EML4: variants seen among roughly 807,000 people sequenced by gnomAD.
EML4 encodes EMAP like 4.
A neutral mutation model predicts 129.0 loss-of-function variants in EML4; 72 were observed. The ratio of observed to expected loss-of-function variants is 0.56; its 90% confidence interval spans 0.46 to 0.68. EML4 has a LOEUF of 0.68. Among genes scored for constraint, EML4 ranks in the 30% least tolerant of loss-of-function variants. The pLI is 0.00. For synonymous variants in EML4, 532 were observed against 405.0 expected, an observed-to-expected ratio of 1.31 and a Z score of -3.77; for missense variants, 1,363 against 1,190.6, an observed-to-expected ratio of 1.14 and a Z score of -2.13.
At chr2:42,183,209 A>G (rs1671049382) in intron 1 of EML4, among the ~76,000 whole-genome samples, 1 of 152,226 alleles carries the variant, frequency 6.6e-6, no homozygotes, top group South Asian at 2.1e-4. Context: ...TATTAAGTAA[A>G]TGCTACATGC....
At chr2:42,269,347 G>A (rs1572661465) in intron 6 of EML4, among the ~76,000 whole-genome samples, 2 of 152,258 alleles carry the variant, frequency 1.3e-5, no homozygotes, top group South Asian at 2.1e-4. Context: ...CAGTTCTGAT[G>A]TGTTTCTTTA....
chr2:42,230,092 C>A (rs749605879), intron 1 of EML4, among the ~76,000 whole-genome samples: 8 of 152,134 alleles, frequency 5.3e-5, no homozygotes, highest in Non-Finnish European at 1.2e-4. Context: ...TCTAAAGCAA[C>A]CCCTAGTCCT....
At chr2:42,225,396 C>T (rs969076637) in intron 1 of EML4, among the ~76,000 whole-genome samples, 7 of 152,138 alleles carry the variant, frequency 4.6e-5, no homozygotes, top group African/African-American at 1.2e-4. Flanking sequence ...AATTTCTCCA[C>T]GTATGTTCAT....
chr2:42,232,406 G>T (rs1674404358), intron 1 of EML4, among the ~76,000 whole-genome samples: 1 of 152,188 alleles, frequency 6.6e-6, no homozygotes, highest in Non-Finnish European at 1.5e-5. Context: ...TTATTGTAAA[G>T]AAGAGTATAG....
intron 1 of EML4, among the ~76,000 whole-genome samples, chr2:42,213,064 T>C (rs184963441): frequency 7.2e-5 from 11 of 152,334 alleles, no homozygotes; most frequent in East Asian, 3.9e-4. Flanking sequence ...TAATGAAATA[T>C]TGGAATAACT....
intron 13 of EML4, among the ~76,000 whole-genome samples, chr2:42,296,443 C>T (rs577161086): frequency 1.1e-4 from 16 of 151,686 alleles, no homozygotes; most frequent in Middle Eastern, 3.4e-3. Flanking sequence ...TGTTCATTCA[C>T]CTCCCCTAAA....
chr2:42,271,228 C>G (rs1209839764), intron 6 of EML4, among the ~76,000 whole-genome samples: 1 of 152,154 alleles, frequency 6.6e-6, no homozygotes, highest in Non-Finnish European at 1.5e-5. Context: ...CTTTTAATAA[C>G]CTGTATAACC....
chr2:42,265,177 A>G (rs1288430361), intron 6 of EML4, among the ~76,000 whole-genome samples: 3 of 151,612 alleles, frequency 2.0e-5, no homozygotes, highest in African/African-American at 7.3e-5. Flanking sequence ...TGCAATCTCC[A>G]CCTCCTGGGG....
Position 42,262,087 on chromosome 2 carries a change from A to G in EML4, c.512+793A>G, listed in dbSNP as rs1572648373. Among the ~76,000 whole-genome samples, 8 of 152,128 alleles carry G rather than the reference A, an allele frequency of 5.3e-5. No individual in the cohort carries two copies. The South Asian group carries it at 1.7e-3, about 32-fold the overall frequency. ...ATTTTATCATCGTACTTCTGCTTGG[A>G]AATCTTAGGAAACTATTAAACCATT... On this transcript the variant is annotated intron_variant, in intron 4 of 22. Coordinates refer to ENST00000318522, the MANE Select transcript of EML4 (RefSeq NM_019063.5).
intron 1 of EML4, among the ~76,000 whole-genome samples, chr2:42,181,884 G>T (rs138188350): frequency 6.6e-6 from 1 of 152,140 alleles, no homozygotes; most frequent in Non-Finnish European, 1.5e-5. Context: ...GTTGTGTTCA[G>T]TGCTGCTGGA....
intron 1 of EML4, among the ~76,000 whole-genome samples, chr2:42,202,753 C>G (rs1363191978): frequency 1.3e-5 from 2 of 152,156 alleles, no homozygotes; most frequent in Non-Finnish European, 2.9e-5. Flanking sequence ...CTGCCTTTCC[C>G]AATCCATTGA....
chr2:42,169,539 T>G lies in EML4; in HGVS notation c.-73T>G. 6.5e-7 allele frequency: 1 copy of G among 1,542,318 alleles called. No individual in the cohort carries two copies. The highest frequency in any genetic ancestry group is 8.7e-7 in the Non-Finnish European group (1 of 1,145,154). ...GAGAACGAGCGGGTCAGGCTCAGCGTCGGCCACTCTGTCGGTCCGCTGAAT... is the reference window on the plus strand; with the variant it reads ...GAGAACGAGCGGGTCAGGCTCAGCGGCGGCCACTCTGTCGGTCCGCTGAAT... On this transcript the variant is annotated 5_prime_UTR_variant, in exon 1 of 23. Coordinates refer to ENST00000318522, the MANE Select transcript of EML4 (RefSeq NM_019063.5).
intron 3 of EML4, 69 bp from the exon 4 acceptor site, chr2:42,261,052 T>C: frequency 1.6e-6 from 2 of 1,213,204 alleles, no homozygotes; most frequent in South Asian, 3.1e-5. Flanking sequence ...TAATAATCAC[T>C]TTTCTATCGT....
intron 9 of EML4, 31 bp downstream of exon 9, chr2:42,284,734 C>T (rs1240902854): frequency 1.3e-6 from 2 of 1,485,202 alleles, no homozygotes; most frequent in Non-Finnish European, 1.8e-6. Flanking sequence ...CCTTCTGTAC[C>T]TAGAGACATT....
intron 13 of EML4, among the ~76,000 whole-genome samples, chr2:42,298,476 C>A (rs1435042684): frequency 6.6e-6 from 1 of 152,142 alleles, no homozygotes; most frequent in Non-Finnish European, 1.5e-5. Context: ...ATCAGAAATA[C>A]AGGCCCATAA....
intron 1 of EML4, among the ~76,000 whole-genome samples, chr2:42,201,249 C>T (rs1164332429): frequency 6.6e-6 from 1 of 152,150 alleles, no homozygotes; most frequent in Non-Finnish European, 1.5e-5. Context: ...GTATCAGAAT[C>T]TGTTTGATGT....
At chr2:42,188,957 G>A (rs1671425579) in intron 1 of EML4, among the ~76,000 whole-genome samples, 1 of 152,122 alleles carries the variant, frequency 6.6e-6, no homozygotes, top group South Asian at 2.1e-4. Context: ...AATAGACATA[G>A]CAAAATCAGT....
chr2:42,320,395 A>G (rs1325872559), intron 19 of EML4, among the ~76,000 whole-genome samples: 2 of 152,006 alleles, frequency 1.3e-5, no homozygotes, highest in African/African-American at 4.8e-5. Context: ...AACCCTGGGT[A>G]CACCAATTTT....
intron 1 of EML4, among the ~76,000 whole-genome samples, chr2:42,180,704 A>G (rs545739058): frequency 6.6e-6 from 1 of 152,360 alleles, no homozygotes; most frequent in South Asian, 2.1e-4. Flanking sequence ...TCTCCTACAC[A>G]ACCATATTAC....
Sources: gnomAD v4.1 joint callset for allele counts (sites outside exome capture counted in the v4.1 genomes callset) on GRCh38, gnomAD v4.1.1 for gene constraint, MANE v1.5 for transcripts, NCBI Gene and HGNC (gene_info 2026-07-23, HGNC 2026-07-21) for gene names.